Variants in LRRFIP1 observed in about 807,000 individuals in gnomAD.
LRRFIP1 encodes the protein LRR binding FLII interacting protein 1.
Under a neutral mutation model 104.4 loss-of-function variants are expected in LRRFIP1, and 62 were observed. The ratio of observed to expected loss-of-function variants is 0.59; its 90% confidence interval spans 0.48 to 0.73. The LOEUF (loss-of-function observed/expected upper bound fraction) is 0.73, where lower values mean the gene tolerates loss of function less well. Ranked by LOEUF, LRRFIP1 falls within the 30% of genes least tolerant of loss-of-function variation. The pLI, the probability that LRRFIP1 is intolerant of heterozygous loss-of-function variation, is 0.00. For synonymous variants in LRRFIP1, 300 were observed against 299.0 expected, an observed-to-expected ratio of 1.00 and a Z score of -0.03; for missense variants, 796 against 824.5, an observed-to-expected ratio of 0.97 and a Z score of 0.42.
chr2:237,697,460 T>C (rs1414849824), intron 1 of LRRFIP1, among the ~76,000 whole-genome samples: 1 of 152,242 alleles, frequency 6.6e-6, no homozygotes, highest in Non-Finnish European at 1.5e-5. Flanking sequence ...TGCTGTGATT[T>C]AAGCCTTTTT....
intron 1 of LRRFIP1, among the ~76,000 whole-genome samples, chr2:237,641,170 G>A (rs909186237): frequency 6.7e-6 from 1 of 149,668 alleles, no homozygotes; most frequent in African/African-American, 2.5e-5. Flanking sequence ...GAACCTAGGA[G>A]TTTGAGAACA....
intron 1 of LRRFIP1, among the ~76,000 whole-genome samples, chr2:237,700,937 C>T (rs2093487000): frequency 6.6e-6 from 1 of 152,180 alleles, no homozygotes; most frequent in African/African-American, 2.4e-5. Flanking sequence ...GCTCATAAAC[C>T]CCTTCCAGCT....
chr2:237,739,393 T>A, intron 11 of LRRFIP1, 84 bp downstream of exon 11: 1 of 1,163,880 alleles, frequency 8.6e-7, no homozygotes, highest in Non-Finnish European at 1.2e-6. Context: ...CGTCTCCAAA[T>A]TTAGAATATT....
chr2:237,779,566 T>A lies in LRRFIP1; in HGVS notation c.*34T>A. ...TCTGATCAGGCAACTGGTTGGTGAC[T>A]GGAGAGCATTGTTTCATAGGCTTTT... On this transcript the variant is annotated 3_prime_UTR_variant, in exon 24 of 24. Coordinates refer to ENST00000308482, the MANE Select transcript of LRRFIP1 (RefSeq NM_001137550.2). The A allele has an allele frequency of 6.5e-7, 1 of 1,538,442 alleles. No homozygotes were observed. The highest frequency in any genetic ancestry group is 9.0e-7 in the Non-Finnish European group (1 of 1,112,940).
At chr2:237,667,580 G>A (rs901043814) in intron 1 of LRRFIP1, among the ~76,000 whole-genome samples, 1 of 152,196 alleles carries the variant, frequency 6.6e-6, no homozygotes, top group Admixed American at 6.5e-5. Flanking sequence ...CCAGTAATGG[G>A]ATTGGTGGGT....
chr2:237,760,743 C>T (rs1208788541), intron 19 of LRRFIP1, among the ~76,000 whole-genome samples: 14 of 152,092 alleles, frequency 9.2e-5, no homozygotes, highest in Admixed American at 5.2e-4. Flanking sequence ...AGCCACCGCT[C>T]GAGGTGGGCA....
chr2:237,670,821 C>A (rs558755104), intron 1 of LRRFIP1, among the ~76,000 whole-genome samples: 5 of 152,338 alleles, frequency 3.3e-5, no homozygotes, highest in Admixed American at 2.6e-4. Flanking sequence ...CCCCGTGGGG[C>A]CGTTACGAGA....
In LRRFIP1 at chr2:237,767,707, T is replaced by G. The variant is rs140389236; in HGVS notation, c.1460-2236T>G. Among the ~76,000 whole-genome samples, 500 of 152,282 alleles carry G rather than the reference T, an allele frequency of 3.3e-3. 2 individuals carry two copies. Among genetic ancestry groups the G allele is most frequent in the African/African-American group, 0.011 (476 of 41,558 alleles). On this transcript the variant is annotated intron_variant, in intron 19 of 23. Transcript: ENST00000308482. Reference sequence around the variant, plus strand: ...TATCACTAGGACCCTGAATGCTAATTCTGGGGAGTTTAGATGGTTTGGGGC... The same window carrying G: ...TATCACTAGGACCCTGAATGCTAATGCTGGGGAGTTTAGATGGTTTGGGGC...
At chr2:237,630,980 C>T (rs2082265317) in intron 1 of LRRFIP1, among the ~76,000 whole-genome samples, 1 of 152,210 alleles carries the variant, frequency 6.6e-6, no homozygotes, top group Non-Finnish European at 1.5e-5. Flanking sequence ...CACTCCTGCA[C>T]CAAGCTCTTT....
intron 1 of LRRFIP1, among the ~76,000 whole-genome samples, chr2:237,664,739 T>C (rs1299623754): frequency 6.6e-6 from 1 of 152,232 alleles, no homozygotes; most frequent in African/African-American, 2.4e-5. Context: ...AGCCCCATCC[T>C]TCTCTGGTAT....
At chr2:237,697,232 G>A (rs966763791) in intron 1 of LRRFIP1, among the ~76,000 whole-genome samples, 38 of 151,978 alleles carry the variant, frequency 2.5e-4, no homozygotes, top group African/African-American at 8.5e-4. Context: ...CACATTGGCC[G>A]GGGTGGTCTC....
rs138030332 is a variant in LRRFIP1, at chr2:237,762,652, G to C, written c.1459+2447G>C. On this transcript the variant is annotated intron_variant, in intron 19 of 23. Coordinates refer to ENST00000308482, the MANE Select transcript of LRRFIP1 (RefSeq NM_001137550.2). The stretch of plus-strand genomic sequence containing the variant: ...AAAATGAAATCGTGGCGAATGTGGG[G>C]AAAAGAGAAATCTTGCACAATACTG... 1.9e-6 allele frequency: 3 copies of C among 1,610,550 alleles called. No homozygotes were observed. In the African/African-American group the frequency reaches 4.0e-5, roughly 22 times the overall value.
intron 1 of LRRFIP1, among the ~76,000 whole-genome samples, chr2:237,669,153 C>T (rs945066179): frequency 1.3e-5 from 2 of 152,144 alleles, no homozygotes; most frequent in Non-Finnish European, 2.9e-5. Flanking sequence ...TTGTTTACTG[C>T]GGTGAATAGC....
chr2:237,762,582 A>G (rs371973936), intron 19 of LRRFIP1: 120 of 1,568,480 alleles, frequency 7.7e-5, no homozygotes, highest in African/African-American at 6.2e-4. Context: ...GGTCCCTTCA[A>G]TTTTCTCAAT....
At chr2:237,732,207 T>C (rs2095042779) in intron 8 of LRRFIP1, among the ~76,000 whole-genome samples, 1 of 152,200 alleles carries the variant, frequency 6.6e-6, no homozygotes, top group African/African-American at 2.4e-5. Flanking sequence ...CGTGAGTGCA[T>C]GCCTGTTACT....
At chr2:237,730,938 A>G (rs2094975805) in intron 8 of LRRFIP1, among the ~76,000 whole-genome samples, 1 of 152,096 alleles carries the variant, frequency 6.6e-6, no homozygotes, top group East Asian at 1.9e-4. Context: ...ACAAACAAAC[A>G]AACAAACAAA....
chr2:237,730,367 GC>G (rs769564870), intron 8 of LRRFIP1, among the ~76,000 whole-genome samples: 8 of 152,168 alleles, frequency 5.3e-5, no homozygotes, highest in Non-Finnish European at 1.2e-4. Context: ...TTGTTTAAGA[GC>G]CCTAAAATTG....
At chr2:237,727,764 C>A in intron 7 of LRRFIP1, 112 bp from the exon 8 acceptor site, 1 of 743,340 alleles carries the variant, frequency 1.3e-6, no homozygotes, top group Non-Finnish European at 2.3e-6. Flanking sequence ...GGTCATTCAT[C>A]CGCTCCACAA....
intron 9 of LRRFIP1, 85 bp downstream of exon 9, chr2:237,733,903 C>T (rs1471988637): frequency 7.0e-7 from 1 of 1,437,832 alleles, no homozygotes; most frequent in Non-Finnish European, 9.8e-7. Context: ...CGGGGATGTG[C>T]CTGTTCCCAG....
Sources: gnomAD v4.1 joint callset for allele counts (sites outside exome capture counted in the v4.1 genomes callset) on GRCh38, gnomAD v4.1.1 for gene constraint, MANE v1.5 for transcripts, NCBI Gene and HGNC (gene_info 2026-07-23, HGNC 2026-07-21) for gene names.